The following EPHA6 variants were observed in gnomAD, a reference collection of about 807,000 sequenced individuals.
EPHA6 encodes the protein ephrin type-A receptor 6.
Under a neutral mutation model 112.0 loss-of-function variants are expected in EPHA6, and 50 were observed. The ratio of observed to expected loss-of-function variants is 0.45; its 90% CI spans 0.36 to 0.56. The LOEUF (loss-of-function observed/expected upper bound fraction) is 0.56. Among genes scored for constraint, EPHA6 ranks in the 20% least tolerant of loss-of-function variants. The pLI is 0.00. For synonymous variants in EPHA6, 529 were observed against 490.7 expected, an observed-to-expected ratio of 1.08 and a Z score of -1.03; for missense variants, 1,280 against 1,417.4, an observed-to-expected ratio of 0.90 and a Z score of 1.56.
At chr3:97,164,944 T>A (rs1416242190) in intron 3 of EPHA6, among the ~76,000 whole-genome samples, 2 of 152,134 alleles carry the variant, frequency 1.3e-5, no homozygotes, top group African/African-American at 4.8e-5. Context: ...TTTAATACTG[T>A]AAGAACAGAA....
intron 14 of EPHA6, among the ~76,000 whole-genome samples, chr3:97,697,025 CTT>C (rs1206076417): frequency 6.6e-6 from 1 of 152,198 alleles, no homozygotes; most frequent in Non-Finnish European, 1.5e-5. Flanking sequence ...AGTGCCTCAC[CTT>C]TAAGCTTTTC....
At chr3:97,337,491 AGTGAATTCT>A (rs1333060160) in intron 5 of EPHA6, among the ~76,000 whole-genome samples, 4 of 152,172 alleles carry the variant, frequency 2.6e-5, no homozygotes, top group Admixed American at 2.0e-4. Context: ...AAAGATATAA[AGTGAATTCT>A]ACTTTTACCA....
chr3:97,143,288 T>G (rs979674605), intron 3 of EPHA6, among the ~76,000 whole-genome samples: 5 of 151,786 alleles, frequency 3.3e-5, no homozygotes, highest in African/African-American at 1.2e-4. Flanking sequence ...ATGGGATATA[T>G]TCATGTAACA....
chr3:97,092,107 A>T (rs1429842567), intron 3 of EPHA6, among the ~76,000 whole-genome samples: 2 of 151,404 alleles, frequency 1.3e-5, no homozygotes, highest in Non-Finnish European at 2.9e-5. Flanking sequence ...TAAAAAAAAA[A>T]AGCAAAAAAT....
At chr3:97,237,234 T>TA (rs1181941856) in intron 4 of EPHA6, among the ~76,000 whole-genome samples, 1 of 151,794 alleles carries the variant, frequency 6.6e-6, no homozygotes, top group East Asian at 1.9e-4. Flanking sequence ...TCACTTATCA[T>TA]AAAAATAACT....
intron 6 of EPHA6, among the ~76,000 whole-genome samples, chr3:97,433,421 A>T (rs183474386): frequency 6.6e-6 from 1 of 152,288 alleles, no homozygotes; most frequent in African/African-American, 2.4e-5. Context: ...AAAAGACTTC[A>T]TTTACAGCAC....
At chr3:97,370,446 T>C in intron 5 of EPHA6, among the ~76,000 whole-genome samples, 1 of 152,148 alleles carries the variant, frequency 6.6e-6, no homozygotes, top group East Asian at 1.9e-4. Context: ...ATAGCACTAC[T>C]ATATTATGGA....
intron 5 of EPHA6, among the ~76,000 whole-genome samples, chr3:97,395,475 A>T (rs1444986070): frequency 6.6e-6 from 1 of 151,872 alleles, no homozygotes; most frequent in Non-Finnish European, 1.5e-5. Flanking sequence ...AGGTAAAATT[A>T]TCGTTTTTGA....
chr3:97,325,584 C>T (rs879652460), intron 5 of EPHA6, among the ~76,000 whole-genome samples: 1 of 151,984 alleles, frequency 6.6e-6, no homozygotes, highest in Non-Finnish European at 1.5e-5. Flanking sequence ...CCCTAGCATC[C>T]GTGTAAAGTA....
At chr3:97,325,771 C>T (rs570252501) in intron 5 of EPHA6, among the ~76,000 whole-genome samples, 28 of 152,230 alleles carry the variant, frequency 1.8e-4, no homozygotes, top group African/African-American at 6.7e-4. Context: ...GAAATTCATA[C>T]TCCTATGGGC....
intron 3 of EPHA6, among the ~76,000 whole-genome samples, chr3:97,127,131 C>A (rs887128143): frequency 4.6e-5 from 7 of 152,130 alleles, no homozygotes; most frequent in Admixed American, 4.6e-4. Context: ...GAAATGAAGA[C>A]CCAAGTAATA....
intron 2 of EPHA6, among the ~76,000 whole-genome samples, chr3:96,923,463 C>T (rs2039877321): frequency 6.6e-6 from 1 of 151,568 alleles, no homozygotes; most frequent in South Asian, 2.1e-4. Flanking sequence ...CTGTTCATGT[C>T]CTTTGCCTAC....
Position 97,375,161 on chromosome 3 carries a change from CTA to C in EPHA6, c.1607-29987_1607-29986del, listed in dbSNP as rs1351556703. On this transcript the variant is annotated intron_variant, in intron 5 of 17. Coordinates refer to ENST00000389672, the MANE Select transcript of EPHA6 (RefSeq NM_001080448.3). ...AGCTCATGAAGTTTAGAAAACAGAA[CTA>C]TGTTTTCTACATACACTGGTCATCC... Among the ~76,000 whole-genome samples, 22 of 152,108 alleles carry C rather than the reference CTA, an allele frequency of 1.4e-4. 1 individual carries two copies. Among genetic ancestry groups the C allele is most frequent in the Middle Eastern group, 3.2e-3 (1 of 316 alleles).
intron 3 of EPHA6, among the ~76,000 whole-genome samples, chr3:97,176,158 TATG>T (rs1173401760): frequency 6.6e-6 from 1 of 151,886 alleles, no homozygotes. Context: ...TTGAAATGAT[TATG>T]ATTTTTATTT....
intron 5 of EPHA6, among the ~76,000 whole-genome samples, chr3:97,400,306 G>A (rs1345672193): frequency 6.6e-6 from 1 of 151,622 alleles, no homozygotes; most frequent in Non-Finnish European, 1.5e-5. Flanking sequence ...CATCACATTG[G>A]TATTGAAATG....
intron 14 of EPHA6, among the ~76,000 whole-genome samples, chr3:97,665,877 G>T (rs562122443): frequency 8.7e-4 from 133 of 152,260 alleles, no homozygotes; most frequent in African/African-American, 2.8e-3. Context: ...CCAACATAGT[G>T]AAACCCCATC....
At chr3:97,527,164 C>T (rs915426828) in intron 10 of EPHA6, among the ~76,000 whole-genome samples, 2 of 152,186 alleles carry the variant, frequency 1.3e-5, no homozygotes, top group African/African-American at 4.8e-5. Context: ...TGCATGATTC[C>T]TCCCAGCCCT....
chr3:96,818,740 A>G (rs1315870636), intron 1 of EPHA6, among the ~76,000 whole-genome samples: 1 of 151,966 alleles, frequency 6.6e-6, no homozygotes, highest in Non-Finnish European at 1.5e-5. Flanking sequence ...AAACATTAAA[A>G]TGCTGAAAAT....
chr3:97,714,250 G>A (rs2034115924), intron 14 of EPHA6, among the ~76,000 whole-genome samples: 1 of 152,148 alleles, frequency 6.6e-6, no homozygotes, highest in African/African-American at 2.4e-5. Context: ...GTGTACACTG[G>A]GTGCTGGCTG....
Sources: gnomAD v4.1 joint callset for allele counts (sites outside exome capture counted in the v4.1 genomes callset) on GRCh38, gnomAD v4.1.1 for gene constraint, MANE v1.5 for transcripts, NCBI Gene and HGNC (gene_info 2026-07-23, HGNC 2026-07-21) for gene names.